Variants in RUNDC3B observed in about 807,000 individuals in gnomAD.
The protein encoded by RUNDC3B is RUN domain containing 3B.
Under a neutral mutation model 58.4 loss-of-function variants are expected in RUNDC3B, and 33 were observed. That is an observed-to-expected ratio of 0.56 (90% CI 0.43 to 0.75). RUNDC3B has a LOEUF of 0.75. Ranked by LOEUF, RUNDC3B falls within the 30% of genes least tolerant of loss-of-function variation. RUNDC3B has a pLI of 0.00. For missense variants in RUNDC3B, 501 were observed against 535.7 expected (o/e 0.94, Z 0.64); for synonymous variants, 193 against 195.2 (o/e 0.99, Z 0.10).
chr7:87,702,107 C>T lies in RUNDC3B; in HGVS notation c.372+1553C>T, dbSNP rs562070576. Among the ~76,000 whole-genome samples the T allele has an allele frequency of 6.9e-4, 84 of 121,970 alleles. 1 individual carries two copies. The highest frequency in any genetic ancestry group is 2.6e-3 in the African/African-American group (81 of 31,224). The allele number at this position is 121,970 out of a possible 152,430, so 80.0% of individuals were successfully genotyped here. A position where few individuals can be genotyped will look rare whatever the true frequency, so the allele number is the denominator to read the frequency against. On this transcript the variant is annotated intron_variant, in intron 3 of 10. Coordinates refer to ENST00000394654, the MANE Select transcript of RUNDC3B (RefSeq NM_001134405.2). ...GCAGTGAGCAGAGATCGCGCCACTG[C>T]ACTCCAGCCTGGGCAAAAGAGCGAG...
chr7:87,750,961 A>G (rs1362223925), intron 6 of RUNDC3B, among the ~76,000 whole-genome samples: 4 of 152,168 alleles, frequency 2.6e-5, no homozygotes, highest in Admixed American at 6.5e-5. Context: ...GCCCATGCCT[A>G]TATCCTGAAT....
intron 7 of RUNDC3B, among the ~76,000 whole-genome samples, chr7:87,772,386 T>A (rs1359986411): frequency 3.3e-5 from 5 of 151,366 alleles, no homozygotes; most frequent in South Asian, 2.1e-4. Flanking sequence ...AGATGCACAG[T>A]AGAACACTAT....
At chr7:87,706,388 A>G (rs909485137) in intron 3 of RUNDC3B, among the ~76,000 whole-genome samples, 6 of 152,130 alleles carry the variant, frequency 3.9e-5, no homozygotes, top group African/African-American at 1.2e-4. Context: ...AGAAGCAGAG[A>G]ATTTATTGAG....
intron 1 of RUNDC3B, among the ~76,000 whole-genome samples, chr7:87,637,931 A>G (rs1013598397): frequency 2.0e-5 from 3 of 151,902 alleles, no homozygotes; most frequent in Admixed American, 6.6e-5. Context: ...CCACTAATGC[A>G]GTGTTGCAGA....
chr7:87,650,062 T>C (rs930306002), intron 1 of RUNDC3B, among the ~76,000 whole-genome samples: 2 of 152,188 alleles, frequency 1.3e-5, no homozygotes, highest in Admixed American at 1.3e-4. Context: ...TACAGACGTA[T>C]TCTTCTCATT....
rs978388533 is a variant in RUNDC3B, at chr7:87,752,026, G to C, written c.629+10447G>C. ...GGCTGTGGGTTTGTCGTAGATAGCTGTTATCATTTTGAAATATGTCCCATC... is the reference window on the plus strand; with the variant it reads ...GGCTGTGGGTTTGTCGTAGATAGCTCTTATCATTTTGAAATATGTCCCATC... On this transcript the variant is annotated intron_variant, in intron 6 of 10. Coordinates refer to ENST00000394654, the MANE Select transcript of RUNDC3B (RefSeq NM_001134405.2). Among the ~76,000 whole-genome samples the C allele has an allele frequency of 4.3e-4, 66 of 152,194 alleles. 1 individual carries two copies. Among genetic ancestry groups the C allele is most frequent in the Admixed American group, 1.0e-3 (16 of 15,278 alleles).
chr7:87,801,906 A>G (rs184530611), intron 8 of RUNDC3B, among the ~76,000 whole-genome samples: 12 of 152,368 alleles, frequency 7.9e-5, no homozygotes, highest in Non-Finnish European at 1.5e-4. Context: ...GAGATATAGA[A>G]AGCTGTTTTT....
chr7:87,767,090 T>C lies in RUNDC3B; in HGVS notation c.630-3491T>C, dbSNP rs1834015390. Among the ~76,000 whole-genome samples the C allele has an allele frequency of 2.0e-5, 3 of 152,208 alleles. No homozygotes were observed. In the South Asian group the frequency reaches 6.2e-4, roughly 31 times the overall value. On this transcript the variant is annotated intron_variant, in intron 6 of 10. Coordinates refer to ENST00000394654, the MANE Select transcript of RUNDC3B (RefSeq NM_001134405.2). ...GCGAATTTTTCATTTCTTCAAGTTC[T>C]GTTTGGTTTTTAAAAATATCTACCT...
rs201345739 is a variant in RUNDC3B at position 87,628,853 on chromosome 7, C to G, written c.30C>G (p.Ser10Arg). MASRSLGGL[S>R]GIRGGGGGGG... ...CCTCCCGGAGCCTGGGGGGCCTGAG[C>G]GGGATCCGCGGCGGTGGCGGCGGAG... Residue 10 changes from serine (S) to arginine (R), a missense_variant, in exon 1 of 11, where the codon AGC becomes AGG. Transcript: ENST00000394654. The G allele has an allele frequency of 1.6e-6, 2 of 1,272,130 alleles. No individual in the cohort carries two copies. Among genetic ancestry groups the G allele is most frequent in the African/African-American group, 1.5e-5 (1 of 65,614 alleles). The allele number at this position is 1,272,130 out of a possible 1,614,324, so 78.8% of individuals were successfully genotyped here.
intron 1 of RUNDC3B, among the ~76,000 whole-genome samples, chr7:87,647,489 A>G (rs1823127454): frequency 6.6e-6 from 1 of 152,232 alleles, no homozygotes; most frequent in African/African-American, 2.4e-5. Context: ...AAACATTGCT[A>G]CATTTTTCTT....
intron 4 of RUNDC3B, among the ~76,000 whole-genome samples, chr7:87,714,881 T>A (rs1419866690): frequency 6.6e-6 from 1 of 152,132 alleles, no homozygotes; most frequent in Non-Finnish European, 1.5e-5. Flanking sequence ...GAAACCTCCC[T>A]GACCGCACGT....
intron 1 of RUNDC3B, chr7:87,629,162 AG>A (rs1820945036): frequency 2.5e-6 from 1 of 404,762 alleles, no homozygotes; most frequent in South Asian, 1.4e-4. Context: ...CCAGTGCTGA[AG>A]GTACTGGAGG....
chr7:87,782,763 TTG>T (rs1835004882), intron 8 of RUNDC3B, among the ~76,000 whole-genome samples: 1 of 152,130 alleles, frequency 6.6e-6, no homozygotes, highest in South Asian at 2.1e-4. Context: ...GCCAATGTGA[TTG>T]TGTGATTTTG....
intron 1 of RUNDC3B, among the ~76,000 whole-genome samples, chr7:87,645,357 T>G (rs1202118811): frequency 2.0e-5 from 3 of 152,132 alleles, no homozygotes; most frequent in African/African-American, 7.2e-5. Context: ...GTGCAGGTAT[T>G]ACAGGGTTGA....
intron 2 of RUNDC3B, among the ~76,000 whole-genome samples, chr7:87,664,050 T>A (rs903470236): frequency 6.6e-6 from 1 of 152,186 alleles, no homozygotes; most frequent in African/African-American, 2.4e-5. Flanking sequence ...TGCAATTCAT[T>A]TCATACAGCA....
intron 4 of RUNDC3B, among the ~76,000 whole-genome samples, chr7:87,714,708 T>C (rs1334990867): frequency 6.6e-6 from 1 of 152,026 alleles, no homozygotes; most frequent in Non-Finnish European, 1.5e-5. Flanking sequence ...TAAAGAGGTG[T>C]AGAAGAGCCA....
intron 4 of RUNDC3B, chr7:87,713,050 GAA>G (rs1395612741): frequency 5.9e-5 from 9 of 151,984 alleles, no homozygotes; most frequent in Non-Finnish European, 1.2e-4. Context: ...TGAAACCAAA[GAA>G]ATTCTTAATT....
At chr7:87,754,854 T>G (rs189681754) in intron 6 of RUNDC3B, among the ~76,000 whole-genome samples, 20 of 151,092 alleles carry the variant, frequency 1.3e-4, no homozygotes, top group Admixed American at 4.0e-4. Flanking sequence ...CACACACACT[T>G]TCCCAAGACT....
chr7:87,816,400 G>T (rs1480511867), intron 10 of RUNDC3B, 138 bp downstream of exon 10: 13 of 633,692 alleles, frequency 2.1e-5, no homozygotes, highest in Non-Finnish European at 3.4e-5. Flanking sequence ...GATTAAAAAT[G>T]GTCTGCCTTT....
Sources: gnomAD v4.1 joint callset for allele counts (sites outside exome capture counted in the v4.1 genomes callset) on GRCh38, gnomAD v4.1.1 for gene constraint, MANE v1.5 for transcripts, NCBI Gene and HGNC (gene_info 2026-07-23, HGNC 2026-07-21) for gene names.